VPS13D: variants seen among roughly 807,000 people sequenced by gnomAD.
The protein encoded by VPS13D is vacuolar protein sorting 13 homolog D.
Under a neutral mutation model 461.9 loss-of-function variants are expected in VPS13D, and 187 were observed. The observed-to-expected ratio is 0.40, with a 90% CI of 0.36 to 0.46. VPS13D has a LOEUF of 0.46. VPS13D is among the 20% of genes least tolerant of loss of function. VPS13D has a pLI of 0.60. For synonymous variants in VPS13D, 1,951 were observed against 1,986.3 expected, an observed-to-expected ratio of 0.98 and a Z score of 0.47; for missense variants, 4,711 against 5,364.9, an observed-to-expected ratio of 0.88 and a Z score of 3.81.
At chr1:12,418,809 C>A (rs1353164893) in intron 65 of VPS13D, among the ~76,000 whole-genome samples, 1 of 152,162 alleles carries the variant, frequency 6.6e-6, no homozygotes, top group Admixed American at 6.5e-5. Context: ...GAAGGAGGGT[C>A]TGGGACACTG....
At chr1:12,348,093 A>G (rs1054794907) in intron 44 of VPS13D, among the ~76,000 whole-genome samples, 1 of 152,224 alleles carries the variant, frequency 6.6e-6, no homozygotes, top group Non-Finnish European at 1.5e-5. Context: ...CCTAAATAAT[A>G]TATTTTATGA....
intron 12 of VPS13D, 75 bp from the exon 13 acceptor site, chr1:12,261,826 G>A (rs1641118187): frequency 1.6e-6 from 2 of 1,266,004 alleles, no homozygotes; most frequent in African/African-American, 3.0e-5. Flanking sequence ...CATCATAACT[G>A]TGATCAGTCT....
intron 13 of VPS13D, among the ~76,000 whole-genome samples, chr1:12,265,484 A>G (rs1304846001): frequency 1.3e-5 from 2 of 152,202 alleles, no homozygotes; most frequent in Non-Finnish European, 2.9e-5. Flanking sequence ...TGTAGCTGCC[A>G]TAAATAGTGA....
At chr1:12,500,755 T>C (rs1303615123) in intron 68 of VPS13D, among the ~76,000 whole-genome samples, 1 of 151,386 alleles carries the variant, frequency 6.6e-6, no homozygotes, top group African/African-American at 2.4e-5. Context: ...GGTCTCGCCA[T>C]GTTGCCCAGG....
At chr1:12,375,402 T>C (rs900120506) in intron 55 of VPS13D, among the ~76,000 whole-genome samples, 2 of 152,218 alleles carry the variant, frequency 1.3e-5, no homozygotes, top group African/African-American at 4.8e-5. Context: ...ACTGTACATA[T>C]TTATTTCTAT....
rs1301089020 is a variant in VPS13D, at chr1:12,283,205, A to T, written c.5103A>T (p.Ala1701=). 6.2e-7 allele frequency: 1 copy of T among 1,614,206 alleles called. No homozygotes were observed. Among genetic ancestry groups the T allele is most frequent in the East Asian group, 2.2e-5 (1 of 44,884 alleles). Residue 1701 remains alanine (A), a synonymous_variant, in exon 21 of 70, where the codon GCA becomes GCT. Coordinates refer to ENST00000620676, the MANE Select transcript of VPS13D (RefSeq NM_015378.4). ...GAGCCCCTAAGCCATCTAGTTTAGC[A>T]CAAAAAGAATACCTTTCTCAGTCTT... ...SRGAPKPSSL[A]QKEYLSQSCP... is the part of the protein sequence containing the mutation.
intron 32 of VPS13D, among the ~76,000 whole-genome samples, 165 bp from the exon 33 acceptor site, chr1:12,321,644 G>A (rs529000125): frequency 3.2e-4 from 49 of 152,232 alleles, no homozygotes; most frequent in Admixed American, 2.7e-3. Context: ...GTGTGCTCTC[G>A]GCAGCGGTGG....
chr1:12,258,420 T>A (rs955454392), intron 10 of VPS13D, among the ~76,000 whole-genome samples: 4 of 152,212 alleles, frequency 2.6e-5, no homozygotes, highest in Non-Finnish European at 5.9e-5. Context: ...CAAAGCCTGA[T>A]CCCAGTCCTA....
At chr1:12,384,217 A>C (rs1262253705) in intron 58 of VPS13D, among the ~76,000 whole-genome samples, 1 of 152,130 alleles carries the variant, frequency 6.6e-6, no homozygotes, top group Non-Finnish European at 1.5e-5. Context: ...GCTGGAGAGA[A>C]ATGGATAGAA....
At chr1:12,479,619 G>C (rs1267681940) in intron 67 of VPS13D, among the ~76,000 whole-genome samples, 1 of 152,176 alleles carries the variant, frequency 6.6e-6, no homozygotes, top group African/African-American at 2.4e-5. Context: ...GTAAGGAAGG[G>C]AACCAGAATG....
chr1:12,413,523 G>A (rs977073949), intron 63 of VPS13D, among the ~76,000 whole-genome samples: 7 of 152,142 alleles, frequency 4.6e-5, no homozygotes, highest in African/African-American at 7.2e-5. Flanking sequence ...CCCAGGCTAA[G>A]TACAGTGGCA....
Position 12,300,918 on chromosome 1 carries a change from T to G in VPS13D, c.6216+1534T>G, listed in dbSNP as rs1427780772. Among the ~76,000 whole-genome samples, 4 of 152,346 alleles carry G rather than the reference T, an allele frequency of 2.6e-5. No homozygotes were observed. The East Asian group carries it at 7.7e-4, about 29-fold the overall frequency. ...AGCAGCTCTTCAGTCTATTTGCTTA[T>G]TCCTTGCAAACTCGTTTTAGTGTGT... On this transcript the variant is annotated intron_variant, in intron 25 of 69. Coordinates refer to ENST00000620676, the MANE Select transcript of VPS13D (RefSeq NM_015378.4).
chr1:12,375,755 T>A (rs1644189018), intron 55 of VPS13D, among the ~76,000 whole-genome samples: 3 of 152,174 alleles, frequency 2.0e-5, no homozygotes, highest in African/African-American at 7.2e-5. Flanking sequence ...CCTCCCAACT[T>A]GGCTTCAGCC....
At chr1:12,245,575 A>G (rs887194562) in intron 5 of VPS13D, among the ~76,000 whole-genome samples, 29 of 152,310 alleles carry the variant, frequency 1.9e-4, no homozygotes, top group African/African-American at 6.7e-4. Flanking sequence ...AGTCACTGCC[A>G]AAGCTGGGCT....
rs1414088514 is a variant in VPS13D at position 12,306,799 on chromosome 1, G to A, written c.6440-1632G>A. 3.3e-5 allele frequency among the ~76,000 whole-genome samples: 5 copies of A among 152,216 alleles called. 1 individual carries two copies. In the South Asian group the frequency reaches 6.2e-4, roughly 19 times the overall value. On this transcript the variant is annotated intron_variant, in intron 26 of 69. Coordinates refer to ENST00000620676, the MANE Select transcript of VPS13D (RefSeq NM_015378.4). The stretch of plus-strand genomic sequence containing the variant: ...GGTTTCAGGATGAAACTGTTCCACC[G>A]CAGATCATCAGGCATTAGATTCTCA...
At chr1:12,506,394 G>A (rs1310476489) in intron 68 of VPS13D, among the ~76,000 whole-genome samples, 1 of 152,202 alleles carries the variant, frequency 6.6e-6, no homozygotes, top group Non-Finnish European at 1.5e-5. Flanking sequence ...GAGGTGCTGA[G>A]CTTAGAGAGG....
intron 21 of VPS13D, among the ~76,000 whole-genome samples, chr1:12,286,054 T>TCCTTC (rs1641968173): frequency 6.8e-6 from 1 of 148,096 alleles, no homozygotes; most frequent in East Asian, 2.0e-4. Flanking sequence ...TCCCTTCCTT[T>TCCTTC]CCTTTCCTTC....
chr1:12,389,102 G>A (rs1456589473), intron 60 of VPS13D, among the ~76,000 whole-genome samples: 1 of 152,212 alleles, frequency 6.6e-6, no homozygotes, highest in African/African-American at 2.4e-5. Context: ...GGAGTCCAAT[G>A]TTCAAGGGCA....
intron 35 of VPS13D, among the ~76,000 whole-genome samples, chr1:12,324,662 T>G (rs1367526307): frequency 6.6e-6 from 1 of 152,234 alleles, no homozygotes; most frequent in Non-Finnish European, 1.5e-5. Flanking sequence ...AGATTTGATG[T>G]AAGTAAATGA....
Sources: allele counts gnomAD v4.1 joint callset (sites outside exome capture counted in the v4.1 genomes callset), GRCh38; gene constraint gnomAD v4.1.1; transcripts MANE v1.5; gene names NCBI Gene and HGNC (gene_info 2026-07-23, HGNC 2026-07-21).